The following FRMD4B variants were observed in gnomAD, a reference collection of about 807,000 sequenced individuals.
FRMD4B encodes the protein FERM domain containing 4B.
Under a neutral mutation model 141.5 loss-of-function variants are expected in FRMD4B, and 74 were observed. The ratio of observed to expected loss-of-function variants is 0.52; its 90% confidence interval spans 0.43 to 0.63. The LOEUF is 0.63. FRMD4B is among the 30% of genes least tolerant of loss of function. The probability of loss-of-function intolerance (pLI) is 0.00; values close to 1 mark genes in which losing one functional copy is unlikely to be tolerated. For missense variants in FRMD4B, 1,366 were observed against 1,253.4 expected (o/e 1.09, Z -1.36); for synonymous variants, 506 against 467.9 (o/e 1.08, Z -1.05).
Position 69,302,326 on chromosome 3 carries a change from G to C in FRMD4B, c.416+17C>G, listed in dbSNP as rs766359398. 1 of 1,380,890 alleles carries C rather than the reference G, an allele frequency of 7.2e-7. No homozygotes were observed. Among genetic ancestry groups the C allele is most frequent in the Non-Finnish European group, 1.0e-6 (1 of 971,684 alleles). 85.5% of individuals were successfully genotyped at this position (1,380,890 alleles called of 1,614,324 possible). The stretch of plus-strand genomic sequence containing the variant: ...AGCAAAAAAAGAGGGATGCTAACTG[G>C]GTCTGTGGATACATACCTCACAGCA... On this transcript the variant is annotated intron_variant, in intron 4 of 22. Coordinates refer to ENST00000398540, the MANE Select transcript of FRMD4B (RefSeq NM_015123.3).
chr3:69,370,608 C>T (rs751898875), intron 1 of FRMD4B, among the ~76,000 whole-genome samples: 1 of 152,244 alleles, frequency 6.6e-6, no homozygotes, highest in Non-Finnish European at 1.5e-5. Flanking sequence ...AATAAACCCA[C>T]ACATACAAAT....
At chr3:69,222,990 T>C (rs551163344) in intron 8 of FRMD4B, among the ~76,000 whole-genome samples, 3 of 152,200 alleles carry the variant, frequency 2.0e-5, no homozygotes, top group South Asian at 4.1e-4. Flanking sequence ...GACTTTCTCA[T>C]TGAATGATTC....
At chr3:69,211,789 C>T (rs928329349) in intron 11 of FRMD4B, among the ~76,000 whole-genome samples, 1 of 152,120 alleles carries the variant, frequency 6.6e-6, no homozygotes, top group African/African-American at 2.4e-5. Flanking sequence ...AACTTGCAGC[C>T]TGCACAGGTC....
intron 1 of FRMD4B, among the ~76,000 whole-genome samples, chr3:69,371,491 T>C (rs1575771638): frequency 6.6e-6 from 1 of 152,116 alleles, no homozygotes; most frequent in Admixed American, 6.5e-5. Flanking sequence ...AATGACACGA[T>C]CTGACTTACT....
At chr3:69,474,329 G>C (rs1705946803) in intron 1 of FRMD4B, among the ~76,000 whole-genome samples, 1 of 152,128 alleles carries the variant, frequency 6.6e-6, no homozygotes, top group Non-Finnish European at 1.5e-5. Context: ...GGTATATCTG[G>C]GGAAACTCAG....
chr3:69,449,067 T>C (rs570292632), intron 1 of FRMD4B, among the ~76,000 whole-genome samples: 1 of 152,176 alleles, frequency 6.6e-6, no homozygotes, highest in Non-Finnish European at 1.5e-5. Flanking sequence ...CATTACAAAA[T>C]TAATATTCAA....
At chr3:69,235,387 C>T (rs1371406477) in intron 7 of FRMD4B, among the ~76,000 whole-genome samples, 1 of 150,302 alleles carries the variant, frequency 6.7e-6, no homozygotes, top group Non-Finnish European at 1.5e-5. Context: ...GGGCCAGGCG[C>T]AGTGACTCAT....
chr3:69,436,775 C>T (rs145979544), intron 1 of FRMD4B, among the ~76,000 whole-genome samples: 23 of 152,180 alleles, frequency 1.5e-4, no homozygotes, highest in Admixed American at 3.3e-4. Flanking sequence ...TAAAATGGAA[C>T]GAGATTCTGA....
At chr3:69,425,957 G>A (rs7640488) in intron 2 of FRMD4B, among the ~76,000 whole-genome samples, 107,876 of 152,156 alleles carry the variant, frequency 0.71, 39,386 homozygotes, top group East Asian at 0.91. Context: ...GAACCGTCAG[G>A]TGATAATTAG....
chr3:69,274,495 T>G (rs1212890612), intron 5 of FRMD4B, among the ~76,000 whole-genome samples: 1 of 152,146 alleles, frequency 6.6e-6, no homozygotes, highest in African/African-American at 2.4e-5. Context: ...TTGCCATCTA[T>G]TTGTTGATTC....
In FRMD4B at chr3:69,385,824, T is replaced by C; in HGVS notation, c.162+4A>G. The C allele has an allele frequency of 1.3e-6, 2 of 1,555,208 alleles. No individual in the cohort carries two copies. The highest frequency in any genetic ancestry group is 2.4e-5 in the East Asian group (1 of 41,942). On this transcript the variant is annotated splice_donor_region_variant and intron_variant, in intron 1 of 22. Coordinates refer to ENST00000398540, the MANE Select transcript of FRMD4B (RefSeq NM_015123.3). ...GCCCTCGGGTGCCGCGCGCTCCAGC[T>C]CACCTGGTACACGTCCTGCAGCCCG...
chr3:69,196,372 A>G lies in FRMD4B; in HGVS notation c.1117T>C (p.Leu373=), dbSNP rs1223770877. The change falls in exon 14 of 23, where the codon TTA becomes CTA. Residue 373 remains leucine, a synonymous_variant. Coordinates refer to ENST00000398540, the MANE Select transcript of FRMD4B (RefSeq NM_015123.3). ...SKAKIPSARS[L]DEIAMDLTET... ...GTCAAATCCATTGCAATCTCATCTA[A>G]ACTCCTGGCTGAAGGAATTTTTGCC... is the stretch of plus-strand genomic sequence containing the variant. 2 of 1,611,090 alleles carry G rather than the reference A, an allele frequency of 1.2e-6. No individual in the cohort carries two copies. The highest frequency in any genetic ancestry group is 4.5e-5 in the East Asian group (2 of 44,770).
At chr3:69,180,830 G>C (rs1216227179) in intron 21 of FRMD4B, 69 bp downstream of exon 21, 14 of 1,094,810 alleles carry the variant, frequency 1.3e-5, no homozygotes, top group Non-Finnish European at 1.4e-5. Context: ...TCCGTGAGGC[G>C]GTTTTAGGTG....
intron 1 of FRMD4B, among the ~76,000 whole-genome samples, chr3:69,332,117 A>G (rs1027799541): frequency 6.6e-6 from 1 of 152,116 alleles, no homozygotes; most frequent in Non-Finnish European, 1.5e-5. Context: ...AAAAACACCA[A>G]GCAATTGATA....
At chr3:69,494,219 T>G (rs1212649435) in intron 1 of FRMD4B, among the ~76,000 whole-genome samples, 2 of 152,166 alleles carry the variant, frequency 1.3e-5, no homozygotes, top group African/African-American at 4.8e-5. Flanking sequence ...GTGATCATGT[T>G]CCACCACGAA....
chr3:69,483,492 G>C (rs1706164000), intron 1 of FRMD4B, among the ~76,000 whole-genome samples: 1 of 152,184 alleles, frequency 6.6e-6, no homozygotes, highest in Non-Finnish European at 1.5e-5. Context: ...AGTATGCCAA[G>C]GTTCAGGATT....
At chr3:69,378,896 CCTT>C (rs1704042850) in intron 1 of FRMD4B, among the ~76,000 whole-genome samples, 1 of 152,110 alleles carries the variant, frequency 6.6e-6, no homozygotes, top group Non-Finnish European at 1.5e-5. Context: ...TCCTACTTGT[CCTT>C]CAAAGAAAGG....
chr3:69,373,658 A>C (rs1703889141), intron 1 of FRMD4B, among the ~76,000 whole-genome samples: 1 of 152,112 alleles, frequency 6.6e-6, no homozygotes, highest in Non-Finnish European at 1.5e-5. Flanking sequence ...GGATTGCTTG[A>C]GGGCAGGATT....
At chr3:69,338,021 A>G (rs150390916) in intron 1 of FRMD4B, among the ~76,000 whole-genome samples, 2,997 of 152,314 alleles carry the variant, frequency 0.02, 110 homozygotes, top group African/African-American at 0.068. Flanking sequence ...TGTTTATTGC[A>G]GCACTATTCA....
Sources: gnomAD v4.1 joint callset for allele counts (sites outside exome capture counted in the v4.1 genomes callset) on GRCh38, gnomAD v4.1.1 for gene constraint, MANE v1.5 for transcripts, NCBI Gene and HGNC (gene_info 2026-07-23, HGNC 2026-07-21) for gene names.